BTBD16: variants seen among roughly 807,000 people sequenced by gnomAD.
The protein encoded by BTBD16 is BTB/POZ domain-containing protein 16.
BTBD16 carries 66 observed loss-of-function variants against 67.4 expected under a neutral mutation model. The observed-to-expected ratio is 0.98, with a 90% CI of 0.80 to 1.20. The LOEUF is 1.20. BTBD16 is among the 50% of genes most tolerant of loss of function. BTBD16 has a pLI of 0.00. For missense variants in BTBD16, 634 were observed against 616.0 expected (o/e 1.03, Z -0.31); for synonymous variants, 242 against 236.4 (o/e 1.02, Z -0.22).
chr10:122,283,982 G>A, intron 4 of BTBD16, 58 bp downstream of exon 4: 1 of 1,360,422 alleles, frequency 7.4e-7, no homozygotes. Flanking sequence ...GGGGCATCTT[G>A]TGGTCTTTAT....
chr10:122,297,458 G>A (rs1348613070), intron 7 of BTBD16, among the ~76,000 whole-genome samples: 1 of 152,182 alleles, frequency 6.6e-6, no homozygotes, highest in Non-Finnish European at 1.5e-5. Flanking sequence ...GGCTATGTTG[G>A]CTAAAATCAA....
chr10:122,297,885 G>A (rs1398081791), intron 8 of BTBD16, 48 bp downstream of exon 8: 2 of 1,577,660 alleles, frequency 1.3e-6, no homozygotes, highest in Admixed American at 1.7e-5. Flanking sequence ...GGGGCCTTCA[G>A]GAGCAGCCTA....
intron 6 of BTBD16, among the ~76,000 whole-genome samples, chr10:122,290,327 G>A (rs1411537163): frequency 6.6e-6 from 1 of 152,144 alleles, no homozygotes; most frequent in Non-Finnish European, 1.5e-5. Context: ...CACCCACCCA[G>A]GGAAGCCATC....
intron 7 of BTBD16, chr10:122,294,082 G>A: frequency 2.1e-6 from 2 of 974,244 alleles, no homozygotes; most frequent in Non-Finnish European, 1.2e-6. Flanking sequence ...AAGCTGATGG[G>A]ACCTGCCCAA....
At chr10:122,329,642 C>T (rs1328907304) in intron 11 of BTBD16, 71 bp downstream of exon 11, 30 of 1,276,696 alleles carry the variant, frequency 2.3e-5, no homozygotes, top group Non-Finnish European at 2.6e-5. Flanking sequence ...CAGCCACTGC[C>T]GGGGGAGCCC....
At chr10:122,320,471 A>G (rs182537192) in intron 10 of BTBD16, among the ~76,000 whole-genome samples, 2 of 152,190 alleles carry the variant, frequency 1.3e-5, no homozygotes, top group Admixed American at 6.5e-5. Flanking sequence ...TGGAAATTTA[A>G]GTCATTGGTT....
At chr10:122,318,573 G>A (rs994106015) in intron 10 of BTBD16, among the ~76,000 whole-genome samples, 1 of 152,044 alleles carries the variant, frequency 6.6e-6, no homozygotes, top group Non-Finnish European at 1.5e-5. Flanking sequence ...GTTTTCCAAT[G>A]TGGTTGGACT....
At chr10:122,333,104 T>C (rs1284024278) in intron 13 of BTBD16, 1 of 317,744 alleles carries the variant, frequency 3.1e-6, no homozygotes, top group African/African-American at 2.3e-5. Flanking sequence ...TCTCCTTTGA[T>C]TATTTCAAGG....
In BTBD16 at chr10:122,291,168, C is replaced by G; in HGVS notation, c.564C>G (p.Ile188Met). 3.1e-6 allele frequency: 5 copies of G among 1,613,692 alleles called. No individual in the cohort carries two copies. The highest frequency in any genetic ancestry group is 4.2e-6 in the Non-Finnish European group (5 of 1,179,810). Residue 188 changes from isoleucine to methionine, a missense_variant, in exon 7 of 16, where the codon ATC becomes ATG. By Grantham distance (10) the Ile-to-Met change is conservative. Transcript: ENST00000260723. ...DLLGVLASAHILQFSGLFQRC... is the reference protein window; with the variant it reads ...DLLGVLASAHMLQFSGLFQRC... ...TGGGAGTGCTGGCTTCCGCCCACAT[C>G]CTCCAGTTCAGTGGCCTGTTTCAAA...
At chr10:122,301,240 C>T (rs1158290569) in intron 9 of BTBD16, among the ~76,000 whole-genome samples, 2 of 152,312 alleles carry the variant, frequency 1.3e-5, no homozygotes, top group African/African-American at 2.4e-5. Flanking sequence ...CTGTCACACC[C>T]TGGCAGCATT....
At position 122,329,594 on chromosome 10, in the gene BTBD16, G is replaced by A. The variant is rs373213279; in HGVS notation, c.1003+23G>A. The A allele has an allele frequency of 2.8e-4, 450 of 1,605,046 alleles. 3 individuals are homozygous for A. The highest frequency in any genetic ancestry group is 2.1e-3 in the Middle Eastern group (12 of 5,732). ...AAGGTAAGCCCCAGTCCAGGCGAGC[G>A]CATCCACGGGAAAGCTGCTGGGCAC... On this transcript the variant is annotated intron_variant, in intron 11 of 15. Coordinates refer to ENST00000260723, the MANE Select transcript of BTBD16 (RefSeq NM_144587.5).
intron 12 of BTBD16, among the ~76,000 whole-genome samples, chr10:122,331,609 T>C (rs2096455259): frequency 6.6e-6 from 1 of 152,234 alleles, no homozygotes; most frequent in East Asian, 1.9e-4. Context: ...CTTTTCTTAG[T>C]TGAGAGGGGA....
At chr10:122,302,048 G>A (rs2096395034) in intron 9 of BTBD16, among the ~76,000 whole-genome samples, 1 of 152,196 alleles carries the variant, frequency 6.6e-6, no homozygotes, top group African/African-American at 2.4e-5. Context: ...AGTGGCCCTT[G>A]GCTTGACTTA....
chr10:122,321,993 T>A (rs1466789295), intron 10 of BTBD16, among the ~76,000 whole-genome samples: 2 of 152,136 alleles, frequency 1.3e-5, no homozygotes, highest in African/African-American at 4.8e-5. Flanking sequence ...ACTTGGTAAA[T>A]GTTTATTATG....
chr10:122,288,061 A>G (rs1296334438), intron 5 of BTBD16, among the ~76,000 whole-genome samples: 1 of 147,696 alleles, frequency 6.8e-6, no homozygotes, highest in African/African-American at 2.5e-5. Flanking sequence ...CTTCCTTCCT[A>G]TGTGGAATGC....
intron 9 of BTBD16, among the ~76,000 whole-genome samples, chr10:122,304,953 C>G (rs2096401018): frequency 6.6e-6 from 1 of 152,138 alleles, no homozygotes; most frequent in Non-Finnish European, 1.5e-5. Context: ...TGCCACATAT[C>G]CATAAGAGCT....
intron 4 of BTBD16, 73 bp downstream of exon 4, chr10:122,283,997 GGA>G (rs1463772606): frequency 1.8e-5 from 20 of 1,128,880 alleles, no homozygotes; most frequent in Middle Eastern, 1.9e-4. Flanking sequence ...CTTTATGGAA[GGA>G]GACCAGTCCA....
At chr10:122,329,622 GC>G in intron 11 of BTBD16, 51 bp downstream of exon 11, 1 of 1,515,382 alleles carries the variant, frequency 6.6e-7, no homozygotes, top group Non-Finnish European at 9.1e-7. Flanking sequence ...CTGGGCACCT[GC>G]CCACCCCCCA....
intron 14 of BTBD16, among the ~76,000 whole-genome samples, chr10:122,335,413 G>A (rs1017855544): frequency 6.6e-6 from 1 of 152,252 alleles, no homozygotes; most frequent in African/African-American, 2.4e-5. Flanking sequence ...GAAAAGTCAG[G>A]AGGGTGCTTG....
Sources: gnomAD v4.1 joint callset for allele counts (sites outside exome capture counted in the v4.1 genomes callset) on GRCh38, gnomAD v4.1.1 for gene constraint, MANE v1.5 for transcripts, NCBI Gene and HGNC (gene_info 2026-07-23, HGNC 2026-07-21) for gene names.